Variants in KDM4C observed in about 807,000 individuals in gnomAD.
KDM4C encodes lysine-specific demethylase 4C.
Under a neutral mutation model 129.3 loss-of-function variants are expected in KDM4C, and 81 were observed. That is an observed-to-expected ratio of 0.63 (90% CI 0.52 to 0.75). The LOEUF (loss-of-function observed/expected upper bound fraction) is 0.75. KDM4C is among the 30% of genes least tolerant of loss of function. The pLI is 0.00. For missense variants in KDM4C, 1,457 were observed against 1,304.0 expected (o/e 1.12, Z -1.81); for synonymous variants, 573 against 456.1 (o/e 1.26, Z -3.26).
intron 1 of KDM4C, among the ~76,000 whole-genome samples, chr9:6,789,197 G>A (rs1826058550): frequency 6.7e-6 from 1 of 149,250 alleles, no homozygotes; most frequent in South Asian, 2.1e-4. Flanking sequence ...GACTATAGGC[G>A]CTCACCATCA....
At chr9:7,135,587 T>C (rs1352952446) in intron 19 of KDM4C, among the ~76,000 whole-genome samples, 1 of 147,668 alleles carries the variant, frequency 6.8e-6, no homozygotes, top group Admixed American at 6.7e-5. Context: ...TATCCAGTGA[T>C]GTTGTCCGTT....
intron 12 of KDM4C, among the ~76,000 whole-genome samples, chr9:6,995,853 G>A (rs530504997): frequency 2.2e-4 from 33 of 150,978 alleles, no homozygotes; most frequent in East Asian, 1.2e-3. Context: ...TTGTATTTTT[G>A]GTAGAGATGG....
intron 17 of KDM4C, among the ~76,000 whole-genome samples, chr9:7,067,822 G>A (rs998832497): frequency 6.6e-6 from 1 of 151,830 alleles, no homozygotes; most frequent in Non-Finnish European, 1.5e-5. Context: ...TTGAGATGAA[G>A]TCTTGCCCTG....
At chr9:7,001,230 T>C (rs1332743774) in intron 12 of KDM4C, among the ~76,000 whole-genome samples, 3 of 152,258 alleles carry the variant, frequency 2.0e-5, no homozygotes, top group African/African-American at 7.2e-5. Flanking sequence ...GTTTTAGTGT[T>C]TATGTTCTTT....
At position 6,984,173 on chromosome 9, in the gene KDM4C, T is replaced by C. The variant is rs755892375; in HGVS notation, c.1123T>C (p.Cys375Arg). 6.8e-6 allele frequency: 11 copies of C among 1,611,596 alleles called. No homozygotes were observed. Among genetic ancestry groups the C allele is most frequent in the Non-Finnish European group, 9.3e-6 (11 of 1,178,062 alleles). ...TGCTTCTCTTGTTGACAGCTTCCAGTGTGCTAGGTCTACCTCTAAAAGGCC... is the reference window on the plus strand; with the variant it reads ...TGCTTCTCTTGTTGACAGCTTCCAGCGTGCTAGGTCTACCTCTAAAAGGCC... Reference protein sequence around the residue: ...KVRKASRSFQCARSTSKRPKA... With the variant: ...KVRKASRSFQRARSTSKRPKA... Residue 375 changes from cysteine to arginine, a missense_variant, in exon 10 of 22, where the codon TGT becomes CGT. Cys to Arg is a radical substitution (Grantham distance 180). Transcript: ENST00000381309.
chr9:6,921,843 A>G (rs1199615859), intron 8 of KDM4C, among the ~76,000 whole-genome samples: 1 of 151,944 alleles, frequency 6.6e-6, no homozygotes, highest in African/African-American at 2.4e-5. Context: ...CCCACTCTGT[A>G]CCAACACAGT....
At chr9:6,855,525 G>A (rs974982656) in intron 5 of KDM4C, among the ~76,000 whole-genome samples, 1 of 142,546 alleles carries the variant, frequency 7.0e-6, no homozygotes, top group Admixed American at 7.0e-5. Flanking sequence ...CCCAGTGTTT[G>A]TAGTTGGGAT....
At chr9:6,820,939 C>A (rs949003188) in intron 4 of KDM4C, among the ~76,000 whole-genome samples, 3 of 139,576 alleles carry the variant, frequency 2.1e-5, no homozygotes, top group Non-Finnish European at 4.5e-5. Flanking sequence ...TCTCATTGTT[C>A]AATTCCCACC....
chr9:6,801,703 C>T (rs560401125), intron 2 of KDM4C, among the ~76,000 whole-genome samples: 2 of 151,572 alleles, frequency 1.3e-5, no homozygotes, highest in South Asian at 2.1e-4. Flanking sequence ...GAGTATTCTC[C>T]TTGGATATAT....
chr9:7,175,337 G>C lies in KDM4C; in HGVS notation c.*608G>C, dbSNP rs1456558430. ...TATTACTTTTGATTGTGTCTGATGG[G>C]AACTGAGTTGTTGGCCTTTGTGAAA... On this transcript the variant is annotated 3_prime_UTR_variant, in exon 22 of 22. Transcript: ENST00000381309. 6.6e-6 allele frequency: 1 copy of C among 152,616 alleles called. No homozygotes were observed. Among genetic ancestry groups the C allele is most frequent in the Non-Finnish European group, 1.5e-5 (1 of 68,030 alleles). 9.5% of individuals were successfully genotyped at this position (152,616 alleles called of 1,614,324 possible).
intron 21 of KDM4C, 185 bp downstream of exon 21, chr9:7,170,075 T>C (rs1041101284): frequency 6.7e-7 from 1 of 1,498,516 alleles, no homozygotes. Flanking sequence ...ATCGGGGAAA[T>C]TAATGCATGT....
At chr9:7,032,840 C>T (rs996346417) in intron 15 of KDM4C, among the ~76,000 whole-genome samples, 15 of 152,140 alleles carry the variant, frequency 9.9e-5, no homozygotes, top group African/African-American at 3.4e-4. Flanking sequence ...GAAAATAAAG[C>T]CAGCACTAAC....
chr9:6,946,499 T>C (rs1485130674), intron 8 of KDM4C, among the ~76,000 whole-genome samples: 1 of 152,148 alleles, frequency 6.6e-6, no homozygotes, highest in Non-Finnish European at 1.5e-5. Flanking sequence ...TTTCTTTTAT[T>C]GTCACAACTT....
intron 8 of KDM4C, among the ~76,000 whole-genome samples, chr9:6,915,775 G>C (rs1436715770): frequency 1.3e-5 from 2 of 152,282 alleles, no homozygotes; most frequent in East Asian, 3.9e-4. Context: ...GAAAGGGCTA[G>C]TTTTACACTT....
At chr9:6,759,751 A>G (rs1288157929) in intron 1 of KDM4C, among the ~76,000 whole-genome samples, 1 of 151,976 alleles carries the variant, frequency 6.6e-6, no homozygotes, top group Non-Finnish European at 1.5e-5. Context: ...TCAGGAGTTC[A>G]AGACCAGCCT....
At chr9:6,889,640 A>G (rs890333778) in intron 7 of KDM4C, among the ~76,000 whole-genome samples, 5 of 152,208 alleles carry the variant, frequency 3.3e-5, no homozygotes, top group African/African-American at 1.2e-4. Context: ...GCTTCTTTTA[A>G]GTAGTTGGCA....
chr9:7,076,353 T>C, intron 17 of KDM4C: 8 of 969,108 alleles, frequency 8.3e-6, no homozygotes, highest in Non-Finnish European at 9.7e-6. Flanking sequence ...GTTTGTCTCA[T>C]GCTAAAGCCC....
chr9:6,775,978 G>A (rs558180168), intron 1 of KDM4C, among the ~76,000 whole-genome samples: 1 of 152,254 alleles, frequency 6.6e-6, no homozygotes, highest in Admixed American at 6.5e-5. Flanking sequence ...AATGTCTCAA[G>A]GATACAAAAT....
At chr9:6,888,161 G>A (rs1588942171) in intron 7 of KDM4C, 98 bp downstream of exon 7, 1 of 560,854 alleles carries the variant, frequency 1.8e-6, no homozygotes, top group East Asian at 3.2e-5. Flanking sequence ...TTTTTAGGAT[G>A]TGGGTAGAGA....
Sources: allele counts gnomAD v4.1 joint callset (sites outside exome capture counted in the v4.1 genomes callset), GRCh38; gene constraint gnomAD v4.1.1; transcripts MANE v1.5; gene names NCBI Gene and HGNC (gene_info 2026-07-23, HGNC 2026-07-21).